CDH4: variants seen among roughly 807,000 people sequenced by gnomAD.
The protein encoded by CDH4 is cadherin-4.
In CDH4, 33 loss-of-function variants were observed where a neutral mutation model predicts 86.0. The ratio of observed to expected loss-of-function variants is 0.38; its 90% CI spans 0.29 to 0.51. The LOEUF (loss-of-function observed/expected upper bound fraction) is 0.51. Among genes scored for constraint, CDH4 ranks in the 20% least tolerant of loss-of-function variants. The probability of loss-of-function intolerance (pLI) is 0.86; values close to 1 mark genes in which losing one functional copy is unlikely to be tolerated. For synonymous variants in CDH4, 555 were observed against 549.4 expected, an observed-to-expected ratio of 1.01 and a Z score of -0.14; for missense variants, 1,114 against 1,307.4, an observed-to-expected ratio of 0.85 and a Z score of 2.28.
intron 2 of CDH4, among the ~76,000 whole-genome samples, chr20:61,479,932 A>G (rs2085559881): frequency 6.6e-6 from 1 of 152,044 alleles, no homozygotes; most frequent in South Asian, 2.1e-4. Context: ...CTTTATCTTC[A>G]AGTTCATTTT....
At chr20:61,924,923 C>G (rs932957674) in intron 11 of CDH4, among the ~76,000 whole-genome samples, 4 of 152,194 alleles carry the variant, frequency 2.6e-5, no homozygotes, top group African/African-American at 9.7e-5. Flanking sequence ...AGCCGGCAGC[C>G]CTTGCCACAG....
chr20:61,721,931 T>C (rs974258882), intron 2 of CDH4, among the ~76,000 whole-genome samples: 5 of 152,136 alleles, frequency 3.3e-5, no homozygotes, highest in Admixed American at 2.0e-4. Flanking sequence ...CCATTGGCCC[T>C]TTCAGAGAAA....
intron 2 of CDH4, among the ~76,000 whole-genome samples, chr20:61,466,149 C>T (rs907610285): frequency 1.3e-5 from 2 of 152,178 alleles, no homozygotes; most frequent in African/African-American, 2.4e-5. Flanking sequence ...TGTACCACAA[C>T]AGCCAGCTGA....
Position 61,502,431 on chromosome 20 carries a change from T to C in CDH4, c.170-241132T>C, listed in dbSNP as rs376717218. Among the ~76,000 whole-genome samples, 17 of 152,358 alleles carry C rather than the reference T, an allele frequency of 1.1e-4. No homozygotes were observed. The South Asian group carries it at 3.5e-3, about 32-fold the overall frequency. The stretch of plus-strand genomic sequence containing the variant: ...GCCTCTGATGAGGCAAAGGTTGTTC[T>C]CTTGGTGTAGCCACTGGTTCAAGAA... On this transcript the variant is annotated intron_variant, in intron 2 of 15. Transcript: ENST00000614565.
intron 8 of CDH4, among the ~76,000 whole-genome samples, chr20:61,904,748 C>T (rs965199702): frequency 2.6e-5 from 4 of 152,248 alleles, no homozygotes; most frequent in Non-Finnish European, 5.9e-5. Flanking sequence ...GGCCGCTTGC[C>T]GTGTGGCAGA....
At chr20:61,920,299 CGTGATTGTGTGGAAGCGTGGT>C (rs2054961502) in intron 9 of CDH4, among the ~76,000 whole-genome samples, 4 of 66,814 alleles carry the variant, frequency 6.0e-5, no homozygotes, top group African/African-American at 6.3e-5. Flanking sequence ...AGCATGGTAT[CGTGATTGTGTGGAAGCGTGGT>C]GTGATTGTGT....
chr20:61,458,675 G>A (rs1178244086), intron 2 of CDH4, among the ~76,000 whole-genome samples: 1 of 152,106 alleles, frequency 6.6e-6, no homozygotes, highest in East Asian at 1.9e-4. Flanking sequence ...TGATAGTGAT[G>A]GTGATAGTCA....
intron 2 of CDH4, among the ~76,000 whole-genome samples, chr20:61,565,239 GTGGCGGTGCTCTTGGTGA>G (rs2086272308): frequency 4.9e-5 from 3 of 61,454 alleles, no homozygotes; most frequent in Non-Finnish European, 1.0e-4. Context: ...GGTGGTGGTG[GTGGCGGTGCTCTTGGTGA>G]TGGTGGTGGT....
chr20:61,922,464 G>A (rs2054992766), intron 9 of CDH4, among the ~76,000 whole-genome samples: 1 of 152,226 alleles, frequency 6.6e-6, no homozygotes, highest in Admixed American at 6.5e-5. Context: ...GGGGCCAAGT[G>A]CAGCAGTGAT....
chr20:61,293,395 G>A (rs2084334312), intron 2 of CDH4, among the ~76,000 whole-genome samples: 1 of 152,140 alleles, frequency 6.6e-6, no homozygotes. Flanking sequence ...GGTTCACAGA[G>A]TCACGTGACT....
At chr20:61,391,886 G>A (rs2084988035) in intron 2 of CDH4, among the ~76,000 whole-genome samples, 1 of 152,108 alleles carries the variant, frequency 6.6e-6, no homozygotes, top group South Asian at 2.1e-4. Context: ...GCAGCTCCGG[G>A]GCCTGCAGGG....
chr20:61,521,786 CTG>C (rs1295792372), intron 2 of CDH4, among the ~76,000 whole-genome samples: 3 of 152,220 alleles, frequency 2.0e-5, no homozygotes, highest in Non-Finnish European at 4.4e-5. Context: ...GCCCGGCCGT[CTG>C]TATCTCTCTG....
chr20:61,280,158 C>G (rs533526882), intron 2 of CDH4, among the ~76,000 whole-genome samples: 2 of 152,088 alleles, frequency 1.3e-5, no homozygotes, highest in African/African-American at 4.8e-5. Flanking sequence ...TGGGGTGACC[C>G]TGGGCTGTGT....
At chr20:61,701,973 G>A (rs777449649) in intron 2 of CDH4, among the ~76,000 whole-genome samples, 2 of 152,188 alleles carry the variant, frequency 1.3e-5, no homozygotes, top group Non-Finnish European at 2.9e-5. Context: ...CTCCTCCTTC[G>A]TCAGCTGATT....
chr20:61,774,924 A>T (rs6142856), intron 4 of CDH4, among the ~76,000 whole-genome samples: 79,552 of 151,966 alleles, frequency 0.52, 21,027 homozygotes, highest in East Asian at 0.71. Flanking sequence ...CCAGTCTGTC[A>T]TTGATGGGCA....
chr20:61,839,054 C>A (rs1028898023), intron 4 of CDH4, among the ~76,000 whole-genome samples: 1 of 152,120 alleles, frequency 6.6e-6, no homozygotes, highest in Non-Finnish European at 1.5e-5. Flanking sequence ...CAAGGGTCTG[C>A]GATCTGTTTT....
At chr20:61,858,385 A>C (rs1248829104) in intron 6 of CDH4, among the ~76,000 whole-genome samples, 3 of 84,716 alleles carry the variant, frequency 3.5e-5, no homozygotes, top group African/African-American at 1.4e-4. Flanking sequence ...CTGTATGTGT[A>C]TCTGTGTCTC....
intron 2 of CDH4, among the ~76,000 whole-genome samples, chr20:61,565,350 TGGTGATGG>T (rs1209422204): frequency 1.3e-4 from 6 of 47,650 alleles, no homozygotes; most frequent in East Asian, 8.7e-4. Flanking sequence ...GTGGTCCTCT[TGGTGATGG>T]GGTGATGGTG....
chr20:61,346,531 G>T (rs1295078046), intron 2 of CDH4, among the ~76,000 whole-genome samples: 1 of 152,136 alleles, frequency 6.6e-6, no homozygotes. Flanking sequence ...ATCACCTGAG[G>T]CCAGGAGTTC....
Sources: gnomAD v4.1 joint callset for allele counts (sites outside exome capture counted in the v4.1 genomes callset) on GRCh38, gnomAD v4.1.1 for gene constraint, MANE v1.5 for transcripts, NCBI Gene and HGNC (gene_info 2026-07-23, HGNC 2026-07-21) for gene names.